Variants in DGKB observed in about 807,000 individuals in gnomAD.
The protein encoded by DGKB is diacylglycerol kinase beta.
A neutral mutation model predicts 114.3 loss-of-function variants in DGKB; 67 were observed. The ratio of observed to expected loss-of-function variants is 0.59; its 90% CI spans 0.48 to 0.72. The LOEUF (loss-of-function observed/expected upper bound fraction) is 0.72. DGKB is among the 30% of genes least tolerant of loss of function. The pLI, the probability that DGKB is intolerant of heterozygous loss-of-function variation, is 0.00. For synonymous variants in DGKB, 398 were observed against 323.1 expected, an observed-to-expected ratio of 1.23 and a Z score of -2.49; for missense variants, 907 against 975.2, an observed-to-expected ratio of 0.93 and a Z score of 0.93.
At position 14,201,266 on chromosome 7, in the gene DGKB, A is replaced by G. The variant is rs560678392; in HGVS notation, c.2123-23115T>C. ...TCCCAATTATGATGGCACCACCCTCATAACTTAATCAACTCCCAAAGGTCT... is the reference window on the plus strand; with the variant it reads ...TCCCAATTATGATGGCACCACCCTCGTAACTTAATCAACTCCCAAAGGTCT... On this transcript the variant is annotated intron_variant, in intron 23 of 25. Transcript: ENST00000402815. Among the ~76,000 whole-genome samples, 74 of 151,234 alleles carry G rather than the reference A, an allele frequency of 4.9e-4. 1 individual carries two copies. The highest frequency in any genetic ancestry group is 1.5e-3 in the African/African-American group (63 of 40,724).
rs1422310926 is a variant in DGKB at position 14,148,327 on chromosome 7, G to GAAAC, written c.*800_*803dup. Reference sequence around the variant, plus strand: ...GCATTGTTTTCTGAATCTTTGGTGGGAAACACATTGATTAGGCACATAGTT... The same window carrying GAAAC: ...GCATTGTTTTCTGAATCTTTGGTGGGAAACAAACACATTGATTAGGCACATAGTT... On this transcript the variant is annotated 3_prime_UTR_variant, in exon 26 of 26. Transcript: ENST00000402815. The GAAAC allele has an allele frequency of 2.6e-5, 4 of 152,482 alleles. No individual in the cohort carries two copies. Among genetic ancestry groups the GAAAC allele is most frequent in the Non-Finnish European group, 5.9e-5 (4 of 68,000 alleles). 9.4% of individuals were successfully genotyped at this position (152,482 alleles called of 1,614,324 possible).
intron 23 of DGKB, among the ~76,000 whole-genome samples, chr7:14,325,646 A>G (rs1389510961): frequency 2.0e-5 from 3 of 152,218 alleles, no homozygotes; most frequent in African/African-American, 7.2e-5. Flanking sequence ...ATTCTTCATT[A>G]GAACAGGTTT....
In DGKB at chr7:14,808,465, G is replaced by A. The variant is rs925334042; in HGVS notation, c.70+32729C>T. ...CACTATAACTACGAAGAGTCCAAAT[G>A]AAATGTAATAAGATAAGATTAACTA... On this transcript the variant is annotated intron_variant, in intron 2 of 25. Coordinates refer to ENST00000402815, the MANE Select transcript of DGKB (RefSeq NM_001350709.2). Among the ~76,000 whole-genome samples the A allele has an allele frequency of 7.2e-5, 11 of 152,104 alleles. No individual in the cohort carries two copies. The Middle Eastern group carries it at 0.01, about 141-fold the overall frequency.
chr7:14,901,634 C>A (rs1562856125), intron 1 of DGKB, among the ~76,000 whole-genome samples: 1 of 147,886 alleles, frequency 6.8e-6, no homozygotes, highest in African/African-American at 2.5e-5. Flanking sequence ...TGCCCCACCA[C>A]CACTGTAAAA....
intron 23 of DGKB, among the ~76,000 whole-genome samples, chr7:14,187,485 TA>T (rs1169804610): frequency 6.6e-6 from 1 of 152,164 alleles, no homozygotes; most frequent in Non-Finnish European, 1.5e-5. Flanking sequence ...TCTGCTTTCC[TA>T]GACAGATTGC....
intron 10 of DGKB, among the ~76,000 whole-genome samples, chr7:14,683,198 G>C (rs1039891531): frequency 6.6e-6 from 1 of 152,138 alleles, no homozygotes. Context: ...AGAAGGAAGA[G>C]ATCTATATTT....
chr7:14,390,081 A>G (rs1322408082), intron 21 of DGKB, among the ~76,000 whole-genome samples: 1 of 152,182 alleles, frequency 6.6e-6, no homozygotes, highest in Non-Finnish European at 1.5e-5. Flanking sequence ...TTTGAGTATG[A>G]GGAGGCATAT....
At chr7:14,576,826 A>T (rs1346251611) in intron 19 of DGKB, among the ~76,000 whole-genome samples, 2 of 152,166 alleles carry the variant, frequency 1.3e-5, no homozygotes, top group African/African-American at 4.8e-5. Context: ...AGGGATTTTT[A>T]TGACTAAACA....
At chr7:14,289,791 T>C (rs1449490497) in intron 23 of DGKB, among the ~76,000 whole-genome samples, 1 of 146,724 alleles carries the variant, frequency 6.8e-6, no homozygotes, top group Non-Finnish European at 1.5e-5. Context: ...AGCAATTCTA[T>C]GGGGGTAAAT....
At chr7:14,875,336 T>C (rs944430981) in intron 1 of DGKB, among the ~76,000 whole-genome samples, 3 of 152,160 alleles carry the variant, frequency 2.0e-5, no homozygotes, top group Non-Finnish European at 4.4e-5. Flanking sequence ...AACAAAATTC[T>C]GCTGCTTCTA....
chr7:14,556,584 A>T (rs560438120), intron 20 of DGKB, among the ~76,000 whole-genome samples: 22 of 152,100 alleles, frequency 1.4e-4, no homozygotes, highest in African/African-American at 3.1e-4. Flanking sequence ...AAAAGCTTAA[A>T]TTTTTTTCAA....
intron 10 of DGKB, 136 bp downstream of exon 10, chr7:14,685,109 A>G (rs1821451793): frequency 2.1e-6 from 1 of 487,012 alleles, no homozygotes; most frequent in Admixed American, 3.9e-5. Context: ...AAAACACACT[A>G]CAGGAAAATA....
intron 2 of DGKB, among the ~76,000 whole-genome samples, chr7:14,798,271 G>C (rs139764452): frequency 3.3e-5 from 5 of 152,134 alleles, no homozygotes; most frequent in Admixed American, 2.6e-4. Context: ...CCAGGGACCT[G>C]TCCCTGTCTG....
chr7:14,935,119 T>G (rs1785209131), intron 1 of DGKB, among the ~76,000 whole-genome samples: 2 of 152,288 alleles, frequency 1.3e-5, no homozygotes, highest in African/African-American at 4.8e-5. Context: ...TTATGTGTTC[T>G]AATGAGACCG....
At chr7:14,754,215 A>C (rs1185588629) in intron 3 of DGKB, among the ~76,000 whole-genome samples, 3 of 152,078 alleles carry the variant, frequency 2.0e-5, no homozygotes, top group East Asian at 1.9e-4. Flanking sequence ...GCAGCAATCC[A>C]TGTTTTGACA....
At chr7:14,973,770 T>C (rs867403204) in intron 1 of DGKB, among the ~76,000 whole-genome samples, 5 of 149,332 alleles carry the variant, frequency 3.3e-5, no homozygotes, top group Admixed American at 1.3e-4. Context: ...ATTGTCTTAA[T>C]TGACCAAAAT....
chr7:14,452,562 G>A (rs1831683553), intron 21 of DGKB, among the ~76,000 whole-genome samples: 1 of 151,888 alleles, frequency 6.6e-6, no homozygotes, highest in African/African-American at 2.4e-5. Context: ...AACTTGATAA[G>A]GGCATTTCTT....
At chr7:14,729,184 G>A (rs376284340) in intron 5 of DGKB, among the ~76,000 whole-genome samples, 6 of 139,866 alleles carry the variant, frequency 4.3e-5, no homozygotes, top group Admixed American at 7.5e-5. Flanking sequence ...GTGCAGTGGC[G>A]CCATCTCGGC....
chr7:14,863,024 A>G (rs1037654462), intron 1 of DGKB, among the ~76,000 whole-genome samples: 1 of 152,056 alleles, frequency 6.6e-6, no homozygotes, highest in Non-Finnish European at 1.5e-5. Context: ...CATTTGTATA[A>G]AAAGTCAGGA....
Sources: gnomAD v4.1 joint callset for allele counts (sites outside exome capture counted in the v4.1 genomes callset) on GRCh38, gnomAD v4.1.1 for gene constraint, MANE v1.5 for transcripts, NCBI Gene and HGNC (gene_info 2026-07-23, HGNC 2026-07-21) for gene names.